The following UGT1A9 variants were observed in gnomAD, a reference collection of about 807,000 sequenced individuals.
The protein encoded by UGT1A9 is UDP-glucuronosyltransferase 1A9.
In UGT1A9, 35 loss-of-function variants were observed where a neutral mutation model predicts 45.0. The ratio of observed to expected loss-of-function variants is 0.78; its 90% CI spans 0.59 to 1.03. UGT1A9 has a LOEUF of 1.03. Among genes scored for constraint, UGT1A9 ranks in the 50% least tolerant of loss-of-function variants. The pLI is 0.00. For missense variants in UGT1A9, 687 were observed against 666.6 expected, an observed-to-expected ratio of 1.03 and a Z score of -0.34; for synonymous variants, 278 against 250.6, an observed-to-expected ratio of 1.11 and a Z score of -1.03.
intron 1 of UGT1A9, among the ~76,000 whole-genome samples, chr2:233,732,815 A>C (rs1359476181): frequency 7.1e-6 from 1 of 140,410 alleles, no homozygotes; most frequent in African/African-American, 2.7e-5. Context: ...TTGATTCCAT[A>C]TGAACTTTAA....
intron 1 of UGT1A9, among the ~76,000 whole-genome samples, chr2:233,705,578 G>T (rs549130522): frequency 3.3e-5 from 5 of 152,170 alleles, no homozygotes; most frequent in Non-Finnish European, 7.3e-5. Flanking sequence ...GGATAGAAAT[G>T]GTTTATGGAT....
At chr2:233,729,935 T>C (rs2077953750) in intron 1 of UGT1A9, 1 of 1,614,092 alleles carries the variant, frequency 6.2e-7, no homozygotes, top group African/African-American at 1.3e-5. Flanking sequence ...AGGCCAATCA[T>C]GCCCAACATG....
chr2:233,754,139 A>G (rs1695404241), intron 1 of UGT1A9, among the ~76,000 whole-genome samples: 1 of 152,234 alleles, frequency 6.6e-6, no homozygotes, highest in South Asian at 2.1e-4. Flanking sequence ...ATTAAAAGCC[A>G]TCATTAAATT....
intron 1 of UGT1A9, among the ~76,000 whole-genome samples, chr2:233,678,557 A>G (rs2074421083): frequency 6.6e-6 from 1 of 152,180 alleles, no homozygotes; most frequent in African/African-American, 2.4e-5. Flanking sequence ...ATGCTTTTAT[A>G]CAGTACTAAT....
chr2:233,760,861 T>A, intron 1 of UGT1A9: 1 of 1,614,158 alleles, frequency 6.2e-7, no homozygotes, highest in Non-Finnish European at 8.5e-7. Flanking sequence ...CCCATTCTCC[T>A]ACGTGCCCAG....
intron 1 of UGT1A9, among the ~76,000 whole-genome samples, chr2:233,722,696 T>G (rs1380432691): frequency 6.6e-6 from 1 of 152,188 alleles, no homozygotes; most frequent in African/African-American, 2.4e-5. Context: ...TTTCATTGCT[T>G]TTAGATAATT....
intron 1 of UGT1A9, among the ~76,000 whole-genome samples, chr2:233,764,636 A>G (rs757477318): frequency 9.9e-5 from 15 of 152,106 alleles, no homozygotes; most frequent in Non-Finnish European, 1.9e-4. Flanking sequence ...CAAAGGTCCT[A>G]GGAAATTTAA....
intron 1 of UGT1A9, among the ~76,000 whole-genome samples, chr2:233,730,339 G>C (rs954764150): frequency 2.0e-5 from 3 of 152,178 alleles, no homozygotes; most frequent in Non-Finnish European, 4.4e-5. Flanking sequence ...GTTTGGAACT[G>C]ATCCATCCTG....
chr2:233,762,256 A>G lies in UGT1A9; in HGVS notation c.856-4778A>G, dbSNP rs529163977. Among the ~76,000 whole-genome samples, 14 of 152,334 alleles carry G rather than the reference A, an allele frequency of 9.2e-5. No homozygotes were observed. In the South Asian group the frequency reaches 1.5e-3, roughly 16 times the overall value. On this transcript the variant is annotated intron_variant, in intron 1 of 4. Coordinates refer to ENST00000354728, the MANE Select transcript of UGT1A9 (RefSeq NM_021027.3). ...AAGGCACAGAATAGGCACCCACCGA[A>G]TATGTGTTACATTAATGAATGAGAA...
intron 1 of UGT1A9, among the ~76,000 whole-genome samples, chr2:233,732,390 C>G (rs1458473666): frequency 6.6e-6 from 1 of 152,216 alleles, no homozygotes; most frequent in Admixed American, 6.5e-5. Flanking sequence ...TAGGCCATGC[C>G]TATGCCTAAA....
chr2:233,734,725 G>A (rs549781531), intron 1 of UGT1A9, among the ~76,000 whole-genome samples: 6 of 150,570 alleles, frequency 4.0e-5, no homozygotes, highest in East Asian at 2.0e-4. Flanking sequence ...CTTTGTTCTC[G>A]TCGGTTTCAA....
At chr2:233,760,864 G>C in intron 1 of UGT1A9, 1 of 1,613,978 alleles carries the variant, frequency 6.2e-7, no homozygotes, top group Non-Finnish European at 8.5e-7. Flanking sequence ...ATTCTCCTAC[G>C]TGCCCAGGCC....
intron 1 of UGT1A9, chr2:233,754,765 T>C (rs1277866100): frequency 2.0e-6 from 2 of 992,196 alleles, no homozygotes; most frequent in African/African-American, 1.7e-5. Context: ...AGGCCCCCAC[T>C]TCCCAGGGAG....
Position 233,743,334 on chromosome 2 carries a change from A to G in UGT1A9, c.856-23700A>G, listed in dbSNP as rs568503727. Reference sequence around the variant, plus strand: ...TGATTTTTTTACCATCAACTATTTCAGTGGAAGTCGACATGGACTTGAAGC... The same window carrying G: ...TGATTTTTTTACCATCAACTATTTCGGTGGAAGTCGACATGGACTTGAAGC... On this transcript the variant is annotated intron_variant, in intron 1 of 4. Transcript: ENST00000354728. The G allele has an allele frequency of 4.6e-5, 36 of 779,716 alleles. 1 individual carries two copies. The highest frequency in any genetic ancestry group is 6.6e-5 in the Non-Finnish European group (34 of 513,604). The allele number at this position is 779,716 out of a possible 1,614,324, so 48.3% of individuals were successfully genotyped here.
chr2:233,690,518 A>G, intron 1 of UGT1A9: 1 of 1,289,690 alleles, frequency 7.8e-7, no homozygotes, highest in Non-Finnish European at 1.0e-6. Context: ...GTTTTATCTT[A>G]GGATCTACTT....
At chr2:233,693,871 T>G in intron 1 of UGT1A9, 1 of 1,614,106 alleles carries the variant, frequency 6.2e-7, no homozygotes, top group Non-Finnish European at 8.5e-7. Flanking sequence ...CTCAGGTTGG[T>G]GGGTTTATTT....
chr2:233,718,017 C>T (rs2076622656), intron 1 of UGT1A9: 3 of 393,308 alleles, frequency 7.6e-6, no homozygotes, highest in South Asian at 1.9e-5. Flanking sequence ...CAGGCTCCAG[C>T]TCCCCAGGTC....
Position 233,760,394 on chromosome 2 carries a change from A to G in UGT1A9, c.856-6640A>G, listed in dbSNP as rs1244863017. On this transcript the variant is annotated intron_variant, in intron 1 of 4. Coordinates refer to ENST00000354728, the MANE Select transcript of UGT1A9 (RefSeq NM_021027.3). ...GGGAAGATACTGTTGATCCCAGTGG[A>G]TGGCAGCCACTGGCTGAGCATGCTT... 2.5e-6 allele frequency: 4 copies of G among 1,614,048 alleles called. No individual in the cohort carries two copies. Among genetic ancestry groups the G allele is most frequent in the African/African-American group, 1.3e-5 (1 of 74,926 alleles).
chr2:233,763,154 G>A (rs1698249397), intron 1 of UGT1A9, among the ~76,000 whole-genome samples: 1 of 152,232 alleles, frequency 6.6e-6, no homozygotes, highest in Non-Finnish European at 1.5e-5. Flanking sequence ...AAAAGTCTAA[G>A]TGGTGAACTG....
Sources: allele counts gnomAD v4.1 joint callset (sites outside exome capture counted in the v4.1 genomes callset), GRCh38; gene constraint gnomAD v4.1.1; transcripts MANE v1.5; gene names NCBI Gene and HGNC (gene_info 2026-07-23, HGNC 2026-07-21).